The following CDKAL1 variants were observed in gnomAD, a reference collection of about 807,000 sequenced individuals.
CDKAL1 encodes the protein CDKAL1 threonylcarbamoyladenosine tRNA methylthiotransferase.
Under a neutral mutation model 68.2 loss-of-function variants are expected in CDKAL1, and 32 were observed. The ratio of observed to expected loss-of-function variants is 0.47; its 90% CI spans 0.35 to 0.63. The LOEUF (loss-of-function observed/expected upper bound fraction) is 0.63. CDKAL1 is among the 30% of genes least tolerant of loss of function. The pLI is 0.00. For synonymous variants in CDKAL1, 234 were observed against 244.3 expected, an observed-to-expected ratio of 0.96 and a Z score of 0.39; for missense variants, 606 against 696.7, an observed-to-expected ratio of 0.87 and a Z score of 1.47.
At chr6:20,776,661 T>G (rs1410812689) in intron 7 of CDKAL1, among the ~76,000 whole-genome samples, 1 of 152,326 alleles carries the variant, frequency 6.6e-6, no homozygotes, top group African/African-American at 2.4e-5. Context: ...CGTGATGGCA[T>G]GAGGAGGTCA....
At chr6:20,681,779 A>AG (rs1663168455) in intron 5 of CDKAL1, among the ~76,000 whole-genome samples, 1 of 152,178 alleles carries the variant, frequency 6.6e-6, no homozygotes, top group Non-Finnish European at 1.5e-5. Flanking sequence ...CTCATAGGAT[A>AG]GTATCGATAC....
chr6:21,162,649 G>T (rs1776973361), intron 13 of CDKAL1, among the ~76,000 whole-genome samples: 1 of 152,222 alleles, frequency 6.6e-6, no homozygotes, highest in Admixed American at 6.5e-5. Flanking sequence ...GGCCTGCTGG[G>T]CACAGTAGCT....
chr6:21,123,522 G>A (rs1178620133), intron 13 of CDKAL1, among the ~76,000 whole-genome samples: 6 of 151,850 alleles, frequency 4.0e-5, no homozygotes, highest in African/African-American at 1.4e-4. Context: ...AATTAAGTGT[G>A]GATATTGGTG....
intron 9 of CDKAL1, among the ~76,000 whole-genome samples, chr6:20,887,735 G>T (rs537075209): frequency 3.1e-5 from 4 of 130,696 alleles, no homozygotes; most frequent in African/African-American, 1.1e-4. Flanking sequence ...CTACACAGTA[G>T]ATGATTGTCA....
intron 11 of CDKAL1, among the ~76,000 whole-genome samples, chr6:21,015,927 G>A (rs1434885657): frequency 6.8e-6 from 1 of 147,748 alleles, no homozygotes; most frequent in Non-Finnish European, 1.5e-5. Context: ...CAGCCTGGGT[G>A]ACAGAGCGAG....
chr6:21,069,774 C>CTTTT (rs60241965), intron 12 of CDKAL1, among the ~76,000 whole-genome samples: 25 of 69,928 alleles, frequency 3.6e-4, no homozygotes, highest in Non-Finnish European at 5.4e-4. Flanking sequence ...GATTTTCTTT[C>CTTTT]TTTTTTTTTT....
chr6:20,826,762 C>A (rs1383310957), intron 8 of CDKAL1, among the ~76,000 whole-genome samples: 2 of 152,132 alleles, frequency 1.3e-5, no homozygotes, highest in Admixed American at 6.6e-5. Context: ...TATAAGTATT[C>A]TGATTAATCA....
chr6:20,608,486 G>A (rs1438103290), intron 4 of CDKAL1, among the ~76,000 whole-genome samples: 2 of 152,120 alleles, frequency 1.3e-5, no homozygotes, highest in Admixed American at 6.5e-5. Context: ...TATCCTTGAC[G>A]AGGACACTAT....
chr6:20,668,365 A>G (rs987291092), intron 5 of CDKAL1, among the ~76,000 whole-genome samples: 7 of 152,096 alleles, frequency 4.6e-5, no homozygotes, highest in African/African-American at 1.4e-4. Flanking sequence ...CTGTTGCCCA[A>G]GCTGGAGTGG....
intron 13 of CDKAL1, among the ~76,000 whole-genome samples, chr6:21,175,007 T>G (rs1777527705): frequency 6.6e-6 from 1 of 152,166 alleles, no homozygotes; most frequent in Non-Finnish European, 1.5e-5. Context: ...CTGAGAGCAA[T>G]GGGGAACCAT....
At chr6:21,128,219 C>T (rs1775117173) in intron 13 of CDKAL1, among the ~76,000 whole-genome samples, 1 of 152,194 alleles carries the variant, frequency 6.6e-6, no homozygotes, top group Non-Finnish European at 1.5e-5. Context: ...TAACACTTTA[C>T]TATAGTATAG....
chr6:21,025,669 G>C (rs1171935533), intron 11 of CDKAL1, among the ~76,000 whole-genome samples: 1 of 151,994 alleles, frequency 6.6e-6, no homozygotes, highest in East Asian at 1.9e-4. Context: ...TGAGTATTTA[G>C]GTGCTCTAAT....
intron 5 of CDKAL1, among the ~76,000 whole-genome samples, chr6:20,652,012 C>CT (rs1296115420): frequency 6.6e-6 from 1 of 151,992 alleles, no homozygotes; most frequent in Non-Finnish European, 1.5e-5. Context: ...CTGAAGTTTT[C>CT]TTTTTTTGTT....
intron 8 of CDKAL1, among the ~76,000 whole-genome samples, chr6:20,793,737 G>T: frequency 6.8e-6 from 1 of 146,276 alleles, no homozygotes; most frequent in African/African-American, 2.5e-5. Context: ...ATGGAAGAAA[G>T]AATAATATAG....
intron 10 of CDKAL1, among the ~76,000 whole-genome samples, chr6:20,965,316 G>T (rs957480242): frequency 1.4e-5 from 2 of 143,054 alleles, no homozygotes; most frequent in Non-Finnish European, 3.0e-5. Flanking sequence ...CTTGAGAAGA[G>T]AAGAGGAGGG....
intron 7 of CDKAL1, among the ~76,000 whole-genome samples, chr6:20,778,786 C>A (rs1775288472): frequency 6.6e-6 from 1 of 152,018 alleles, no homozygotes; most frequent in Admixed American, 6.6e-5. Flanking sequence ...AGGAGGAGCT[C>A]ACTTTTAGCC....
intron 11 of CDKAL1, among the ~76,000 whole-genome samples, chr6:21,007,472 G>A (rs1767788770): frequency 1.0e-5 from 1 of 96,586 alleles, no homozygotes; most frequent in Admixed American, 1.6e-4. Flanking sequence ...AACAGAGCAA[G>A]ACCCTGTCTC....
chr6:21,135,273 C>A (rs1361912977), intron 13 of CDKAL1, among the ~76,000 whole-genome samples: 1 of 152,076 alleles, frequency 6.6e-6, no homozygotes, highest in Non-Finnish European at 1.5e-5. Context: ...GGTTTCTTAT[C>A]TTGAAATTGA....
chr6:20,905,663 A>G (rs1182728812), intron 9 of CDKAL1, among the ~76,000 whole-genome samples: 1 of 152,204 alleles, frequency 6.6e-6, no homozygotes. Context: ...TCGAAACAAA[A>G]AAGGAGTATC....
Sources: allele counts gnomAD v4.1 joint callset (sites outside exome capture counted in the v4.1 genomes callset), GRCh38; gene constraint gnomAD v4.1.1; transcripts MANE v1.5; gene names NCBI Gene and HGNC (gene_info 2026-07-23, HGNC 2026-07-21).